IL1RAPL2: variants seen among roughly 807,000 people sequenced by gnomAD.
IL1RAPL2 encodes the protein X-linked interleukin-1 receptor accessory protein-like 2.
A neutral mutation model predicts 44.1 loss-of-function variants in IL1RAPL2; 3 were observed. The observed-to-expected ratio is 0.07, with a 90% CI of 0.03 to 0.18. The LOEUF is 0.18. Ranked by LOEUF, IL1RAPL2 falls within the 10% of genes least tolerant of loss-of-function variation. The pLI is 1.00. For missense variants in IL1RAPL2, 391 were observed against 496.4 expected (o/e 0.79, Z 2.02); for synonymous variants, 181 against 178.8 (o/e 1.01, Z -0.10).
intron 2 of IL1RAPL2, among the ~76,000 whole-genome samples, chrX:104,670,199 C>T (rs987347407): frequency 3.6e-5 from 4 of 111,217 alleles, no homozygotes; most frequent in East Asian, 2.8e-4. Context: ...GCCAACAGTG[C>T]GGCCTTCAGT....
intron 6 of IL1RAPL2, among the ~76,000 whole-genome samples, chrX:105,522,738 C>A (rs2036568538): frequency 8.9e-6 from 1 of 111,874 alleles, no homozygotes; most frequent in African/African-American, 3.2e-5. Flanking sequence ...TATTTTATTT[C>A]TAGTGTGAAG....
chrX:105,237,483 T>C (rs925336486), intron 4 of IL1RAPL2, among the ~76,000 whole-genome samples: 3 of 111,978 alleles, frequency 2.7e-5, no homozygotes, highest in Non-Finnish European at 5.6e-5. Flanking sequence ...TGTTCCTTTT[T>C]CTCCACATTC....
At chrX:105,336,020 T>C (rs920396486) in intron 5 of IL1RAPL2, among the ~76,000 whole-genome samples, 6 of 112,361 alleles carry the variant, frequency 5.3e-5, no homozygotes, top group African/African-American at 1.9e-4. Flanking sequence ...GTTTCTCATT[T>C]GAAACTTTCA....
At chrX:105,409,807 TATAG>T (rs764698139) in intron 5 of IL1RAPL2, among the ~76,000 whole-genome samples, 3,921 of 89,386 alleles carry the variant, frequency 0.044, 109 homozygotes, top group Non-Finnish European at 0.057. Flanking sequence ...GGCTTTGATT[TATAG>T]ATAGATAGAT....
chrX:105,146,553 G>A (rs2033181375), intron 2 of IL1RAPL2, among the ~76,000 whole-genome samples: 1 of 111,198 alleles, frequency 9.0e-6, no homozygotes, highest in African/African-American at 3.3e-5. Flanking sequence ...AAAATATAGC[G>A]ACTTTATTGA....
At chrX:104,674,301 A>G (rs1284087322) in intron 2 of IL1RAPL2, among the ~76,000 whole-genome samples, 1 of 111,737 alleles carries the variant, frequency 8.9e-6, no homozygotes, top group Non-Finnish European at 1.9e-5. Context: ...GAGAGTTTTT[A>G]GCATGAAGGG....
At chrX:105,495,035 T>C (rs1200148346) in intron 6 of IL1RAPL2, among the ~76,000 whole-genome samples, 3 of 112,321 alleles carry the variant, frequency 2.7e-5, no homozygotes, top group Non-Finnish European at 3.8e-5. Context: ...CTTGGGTTTC[T>C]AGCAAGGTGG....
intron 2 of IL1RAPL2, among the ~76,000 whole-genome samples, chrX:104,798,707 G>A (rs781649919): frequency 9.0e-6 from 1 of 110,695 alleles, no homozygotes; most frequent in African/African-American, 3.3e-5. Flanking sequence ...CACTTACTAA[G>A]TTTCAAGCCC....
intron 5 of IL1RAPL2, chrX:105,405,688 C>T (rs1221682724): frequency 2.5e-5 from 25 of 1,016,125 alleles, no homozygotes; most frequent in South Asian, 5.7e-5. Flanking sequence ...GCCCTAAGAA[C>T]GGAAAGAGTA....
chrX:105,482,946 A>C (rs1371353882), intron 5 of IL1RAPL2, among the ~76,000 whole-genome samples: 1 of 110,212 alleles, frequency 9.1e-6, no homozygotes, highest in Non-Finnish European at 1.9e-5. Context: ...GATATAAGTA[A>C]GGGTTGTTTT....
At chrX:105,615,839 G>T (rs1164088033) in intron 6 of IL1RAPL2, among the ~76,000 whole-genome samples, 1 of 112,345 alleles carries the variant, frequency 8.9e-6, no homozygotes, top group East Asian at 2.8e-4. Context: ...TCGTTGGATT[G>T]TTTGTAATGC....
chrX:105,741,263 A>G (rs2038498183), intron 8 of IL1RAPL2, among the ~76,000 whole-genome samples: 2 of 111,637 alleles, frequency 1.8e-5, no homozygotes, highest in African/African-American at 6.5e-5. Context: ...GAAATTGTAT[A>G]TAATGAACAA....
At chrX:104,591,937 A>C (rs1438229392) in intron 1 of IL1RAPL2, among the ~76,000 whole-genome samples, 2 of 110,216 alleles carry the variant, frequency 1.8e-5, no homozygotes, top group Admixed American at 9.9e-5. Context: ...CTTCCTTTTA[A>C]GGTCTGAAGT....
Position 104,570,514 on chromosome X carries a change from AC to A in IL1RAPL2, c.-20+3467del, listed in dbSNP as rs751794153. Among the ~76,000 whole-genome samples the A allele has an allele frequency of 1.8e-4, 20 of 111,485 alleles. No homozygotes were observed. The East Asian group carries it at 2.3e-3, about 13-fold the overall frequency. On this transcript the variant is annotated intron_variant, in intron 1 of 10. Coordinates refer to ENST00000372582, the MANE Select transcript of IL1RAPL2 (RefSeq NM_017416.2). ...AGATTAGTCTGGGCAACATAGTGAC[AC>A]CCCACCTCTATTTTAAAAATGTGTC...
intron 2 of IL1RAPL2, among the ~76,000 whole-genome samples, chrX:104,838,802 T>C (rs1388293581): frequency 1.9e-5 from 2 of 106,704 alleles, no homozygotes; most frequent in Non-Finnish European, 3.9e-5. Context: ...GTCTTCTGCC[T>C]CTTTTCTCTT....
intron 2 of IL1RAPL2, among the ~76,000 whole-genome samples, chrX:104,999,251 G>C (rs2030807867): frequency 8.9e-6 from 1 of 112,016 alleles, no homozygotes; most frequent in Non-Finnish European, 1.9e-5. Flanking sequence ...AACAATAGAA[G>C]GCAGAGAGTG....
chrX:104,640,957 G>T (rs1929922744), intron 1 of IL1RAPL2, among the ~76,000 whole-genome samples: 1 of 112,255 alleles, frequency 8.9e-6, no homozygotes, highest in Non-Finnish European at 1.9e-5. Flanking sequence ...ACAATTTCTG[G>T]CAGGTCAGTT....
intron 1 of IL1RAPL2, among the ~76,000 whole-genome samples, chrX:104,570,389 A>C (rs1416888071): frequency 1.8e-5 from 2 of 112,119 alleles, no homozygotes; most frequent in Non-Finnish European, 3.8e-5. Context: ...TTGCCAAAAT[A>C]AAATGTGTCT....
chrX:105,210,870 C>A (rs1003068282), intron 3 of IL1RAPL2, among the ~76,000 whole-genome samples: 1 of 110,807 alleles, frequency 9.0e-6, no homozygotes, highest in African/African-American at 3.3e-5. Flanking sequence ...CCATTTGTGT[C>A]TCAATCTGGT....
Sources: allele counts gnomAD v4.1 joint callset (sites outside exome capture counted in the v4.1 genomes callset), GRCh38; gene constraint gnomAD v4.1.1; transcripts MANE v1.5; gene names NCBI Gene and HGNC (gene_info 2026-07-23, HGNC 2026-07-21).